Variants in TNRC6C observed in about 807,000 individuals in gnomAD.
TNRC6C encodes trinucleotide repeat containing adaptor 6C.
Under a neutral mutation model 153.7 loss-of-function variants are expected in TNRC6C, and 20 were observed. The ratio of observed to expected loss-of-function variants is 0.13; its 90% CI spans 0.09 to 0.19. TNRC6C has a LOEUF of 0.19. Ranked by LOEUF, TNRC6C falls within the 10% of genes least tolerant of loss-of-function variation. The pLI is 1.00. For synonymous variants in TNRC6C, 811 were observed against 841.4 expected, an observed-to-expected ratio of 0.96 and a Z score of 0.63; for missense variants, 1,987 against 2,172.0, an observed-to-expected ratio of 0.91 and a Z score of 1.69.
At chr17:77,958,880 C>T (rs1436041157), upstream of TNRC6C, among the ~76,000 whole-genome samples, 3 of 146,726 alleles carry the variant, frequency 2.0e-5, no homozygotes, top group Non-Finnish European at 4.5e-5. Context: ...GTCGCAGTAG[C>T]CGCGGGCCCG....
chr17:78,032,469 G>A (rs1334221688), intron 2 of TNRC6C, among the ~76,000 whole-genome samples: 1 of 152,150 alleles, frequency 6.6e-6, no homozygotes, highest in African/African-American at 2.4e-5. Flanking sequence ...TTGACTTGAT[G>A]GATTTGTACT....
At chr17:78,065,244 C>A (rs545426341) in intron 4 of TNRC6C, among the ~76,000 whole-genome samples, 1 of 151,644 alleles carries the variant, frequency 6.6e-6, no homozygotes. Flanking sequence ...CCCAGCTATT[C>A]GGGAGGCTAT....
At chr17:78,096,199 C>T (rs182191199) in intron 16 of TNRC6C, among the ~76,000 whole-genome samples, 15 of 152,140 alleles carry the variant, frequency 9.9e-5, no homozygotes, top group African/African-American at 2.7e-4. Flanking sequence ...CACTTACAAA[C>T]GGGAGCCCAA....
intron 16 of TNRC6C, among the ~76,000 whole-genome samples, chr17:78,096,690 T>G (rs1227912499): frequency 2.0e-5 from 3 of 152,230 alleles, no homozygotes; most frequent in Non-Finnish European, 4.4e-5. Context: ...GTGCTCATGT[T>G]CCCTCTGCTA....
chr17:77,974,250 C>T (rs1000413017), intron 1 of TNRC6C, among the ~76,000 whole-genome samples: 7 of 152,102 alleles, frequency 4.6e-5, no homozygotes, highest in African/African-American at 1.4e-4. Flanking sequence ...CGAAGGATTT[C>T]AATACACATG....
At chr17:78,059,846 CAAAAAAA>C (rs762507955) in intron 3 of TNRC6C, among the ~76,000 whole-genome samples, 1 of 77,714 alleles carries the variant, frequency 1.3e-5, no homozygotes, top group East Asian at 3.5e-4. Flanking sequence ...GACCCTGTCT[CAAAAAAA>C]AAAAAAAAAA....
At chr17:78,071,048 G>A in intron 5 of TNRC6C, 37 bp from the exon 8 acceptor site, 2 of 1,558,618 alleles carry the variant, frequency 1.3e-6, no homozygotes, top group Non-Finnish European at 1.7e-6. Flanking sequence ...TTAAAATGTA[G>A]CTCATGGACT....
chr17:78,004,752 C>T (rs774004130), upstream of TNRC6C, among the ~76,000 whole-genome samples: 20 of 152,010 alleles, frequency 1.3e-4, no homozygotes, highest in Non-Finnish European at 2.5e-4. Context: ...TGCCATTTGT[C>T]TTTGTTCTTA....
intron 1 of TNRC6C, among the ~76,000 whole-genome samples, chr17:77,971,725 C>T (rs2070941405): frequency 6.6e-6 from 1 of 152,110 alleles, no homozygotes; most frequent in South Asian, 2.1e-4. Flanking sequence ...CCAGTTGCTC[C>T]ACTCAAAAAC....
At chr17:78,015,583 T>C (rs112516109) in intron 1 of TNRC6C, among the ~76,000 whole-genome samples, 2 of 152,340 alleles carry the variant, frequency 1.3e-5, no homozygotes, top group South Asian at 2.1e-4. Flanking sequence ...TCATACCACA[T>C]ACTGTGATGT....
At chr17:77,997,661 T>A (rs2071348867) in intron 1 of TNRC6C, among the ~76,000 whole-genome samples, 1 of 152,052 alleles carries the variant, frequency 6.6e-6, no homozygotes, top group Non-Finnish European at 1.5e-5. Context: ...GTTGTTTTTT[T>A]TTTTTATTTT....
At chr17:78,060,059 T>A (rs1168349156) in intron 3 of TNRC6C, among the ~76,000 whole-genome samples, 2 of 152,048 alleles carry the variant, frequency 1.3e-5, no homozygotes, top group Non-Finnish European at 2.9e-5. Context: ...AGGCCCGTGG[T>A]CAGTTTCTAG....
In TNRC6C at chr17:78,075,182, A is replaced by T. The variant is rs2073062681; in HGVS notation, c.2964A>T (p.Gly988=). Residue 988 remains glycine (G), a synonymous_variant, in exon 8 of 20, where the codon GGA becomes GGT. Transcript: ENST00000301624. This position sits in a 1 kb window ranked among gnomAD's most constrained non-coding sequence, Gnocchi z 4.2. ...TGGACGTGGACAAGCGTGGGCTGGG[A>T]GTGACCGACCATAATGGAATGGCCG... is the stretch of plus-strand genomic sequence containing the variant. The T allele has an allele frequency of 3.1e-6, 5 of 1,612,122 alleles. No individual in the cohort carries two copies. Among genetic ancestry groups the T allele is most frequent in the Non-Finnish European group, 4.2e-6 (5 of 1,179,102 alleles).
exon 2 of TNRC6C, chr17:78,031,650 C>T (rs1378284195): frequency 8.1e-7 from 1 of 1,232,480 alleles, no homozygotes; most frequent in Non-Finnish European, 1.0e-6. Flanking sequence ...AGCTGCATCC[C>T]GTTACCTGCC....
chr17:78,038,872 T>G (rs944090398), intron 2 of TNRC6C, among the ~76,000 whole-genome samples: 1 of 152,100 alleles, frequency 6.6e-6, no homozygotes, highest in African/African-American at 2.4e-5. Flanking sequence ...ACATATTAAC[T>G]CATTTAATCT....
chr17:78,041,145 A>G (rs1017507623), intron 2 of TNRC6C: 12 of 152,316 alleles, frequency 7.9e-5, no homozygotes, highest in African/African-American at 2.7e-4. Flanking sequence ...AGCCCCTCGT[A>G]GAGCAGGAGA....
intron 1 of TNRC6C, among the ~76,000 whole-genome samples, chr17:78,019,406 T>C (rs1359431731): frequency 6.6e-6 from 1 of 152,254 alleles, no homozygotes; most frequent in Non-Finnish European, 1.5e-5. Context: ...TAGCCTGTCA[T>C]TTTAGAAAAA....
At chr17:77,978,053 G>A (rs559061017) in intron 1 of TNRC6C, among the ~76,000 whole-genome samples, 2 of 151,810 alleles carry the variant, frequency 1.3e-5, no homozygotes, top group Non-Finnish European at 1.5e-5. Flanking sequence ...CCGCCACCAC[G>A]CCCAGCTAAT....
chr17:78,004,390 A>T, upstream of TNRC6C: 2 of 1,093,524 alleles, frequency 1.8e-6, no homozygotes, highest in Non-Finnish European at 2.3e-6. Context: ...CCAAGTCTAT[A>T]ATTAGCGAAT....
Sources: gnomAD v4.1 joint callset for allele counts (sites outside exome capture counted in the v4.1 genomes callset) on GRCh38, gnomAD v4.1.1 for gene constraint, Gnocchi (gnomAD v3.1) non-coding constraint, MANE v1.5 for transcripts, NCBI Gene and HGNC (gene_info 2026-07-23, HGNC 2026-07-21) for gene names.